Variants in MCU observed in about 807,000 individuals in gnomAD.
MCU encodes the protein mitochondrial calcium uniporter, also known as calcium uniporter protein, mitochondrial.
In MCU, 12 loss-of-function variants were observed where a neutral mutation model predicts 45.2. The observed-to-expected ratio is 0.27, with a 90% CI of 0.17 to 0.43. MCU has a LOEUF of 0.43. MCU is among the 20% of genes least tolerant of loss of function. The probability of loss-of-function intolerance (pLI) is 1.00; values close to 1 mark genes in which losing one functional copy is unlikely to be tolerated. For missense variants in MCU, 324 were observed against 436.7 expected (o/e 0.74, Z 2.30); for synonymous variants, 160 against 165.1 (o/e 0.97, Z 0.24).
chr10:72,719,440 G>A (rs1470818536), intron 1 of MCU, among the ~76,000 whole-genome samples: 5 of 152,162 alleles, frequency 3.3e-5, no homozygotes, highest in South Asian at 2.1e-4. Context: ...AAGTCAAAAC[G>A]TTCAGGTATT....
chr10:72,751,281 G>A (rs1843490885), intron 1 of MCU, among the ~76,000 whole-genome samples: 1 of 143,654 alleles, frequency 7.0e-6, no homozygotes, highest in Non-Finnish European at 1.5e-5. Context: ...GGGATTATAG[G>A]TATGAGCCAC....
chr10:72,853,143 G>A (rs897394197), intron 2 of MCU, among the ~76,000 whole-genome samples: 1 of 152,008 alleles, frequency 6.6e-6, no homozygotes, highest in South Asian at 2.1e-4. Flanking sequence ...GGCATATGAA[G>A]AAGCAAAAAA....
intron 1 of MCU, among the ~76,000 whole-genome samples, chr10:72,804,146 G>A (rs1347220316): frequency 1.4e-5 from 2 of 143,958 alleles, no homozygotes; most frequent in Non-Finnish European, 3.0e-5. Flanking sequence ...GAGTGCAATG[G>A]CACAGTCTTG....
intron 1 of MCU, among the ~76,000 whole-genome samples, chr10:72,699,866 A>C (rs1842735685): frequency 6.6e-6 from 1 of 152,040 alleles, no homozygotes; most frequent in Non-Finnish European, 1.5e-5. Context: ...TACTGGGGTT[A>C]CAGGTGTGAG....
intron 1 of MCU, chr10:72,730,866 C>T (rs150321293): frequency 3.9e-5 from 6 of 152,358 alleles, no homozygotes; most frequent in African/African-American, 1.2e-4. Context: ...TGCTTTTTCC[C>T]TATTGTGCAG....
At chr10:72,798,789 A>G (rs1170887923) in intron 1 of MCU, among the ~76,000 whole-genome samples, 1 of 152,120 alleles carries the variant, frequency 6.6e-6, no homozygotes, top group Non-Finnish European at 1.5e-5. Context: ...TGCATATACA[A>G]TGTGTGGATA....
chr10:72,761,818 A>G (rs1843660412), intron 1 of MCU, among the ~76,000 whole-genome samples: 3 of 152,062 alleles, frequency 2.0e-5, no homozygotes, highest in Admixed American at 2.0e-4. Flanking sequence ...CATTGTACCC[A>G]ATATGTAGTT....
intron 2 of MCU, among the ~76,000 whole-genome samples, chr10:72,844,891 T>C (rs775072500): frequency 6.6e-6 from 1 of 152,020 alleles, no homozygotes; most frequent in Non-Finnish European, 1.5e-5. Context: ...TTAATAGATA[T>C]GAAGAATGAA....
chr10:72,829,111 A>G (rs1246506166), intron 1 of MCU, among the ~76,000 whole-genome samples: 1 of 152,174 alleles, frequency 6.6e-6, no homozygotes. Context: ...ACTTGAGTTC[A>G]GGAGTTCGAG....
At chr10:72,775,837 C>T (rs1285983160) in intron 1 of MCU, among the ~76,000 whole-genome samples, 2 of 152,086 alleles carry the variant, frequency 1.3e-5, no homozygotes, top group East Asian at 3.9e-4. Context: ...TGTAAAACCT[C>T]AGCAAACCGA....
At chr10:72,814,858 A>C (rs1844601383) in intron 1 of MCU, among the ~76,000 whole-genome samples, 1 of 152,258 alleles carries the variant, frequency 6.6e-6, no homozygotes, top group Non-Finnish European at 1.5e-5. Context: ...AATCTGTCCA[A>C]CACAAGTGTT....
chr10:72,808,634 G>A (rs764137893), intron 1 of MCU, among the ~76,000 whole-genome samples: 6 of 152,142 alleles, frequency 3.9e-5, no homozygotes, highest in Non-Finnish European at 8.8e-5. Flanking sequence ...AGAACTACTC[G>A]AGACTGGGTA....
rs1491354646 is a variant in MCU, at chr10:72,805,214, CCT to C, written c.151-29144_151-29143del. ...CCTTCCTTCCTTCCTTTCTTCCTTTCCTTTCCTTTCCTTTTTCCTTTCCTTTT... is the reference window on the plus strand; with the variant it reads ...CCTTCCTTCCTTCCTTTCTTCCTTTCTTCCTTTCCTTTTTCCTTTCCTTTT... On this transcript the variant is annotated intron_variant, in intron 1 of 7. Transcript: ENST00000373053. 9.1e-3 allele frequency among the ~76,000 whole-genome samples: 1,267 copies of C among 138,914 alleles called. 38 individuals are homozygous for C. The highest frequency in any genetic ancestry group is 0.036 in the African/African-American group (1,195 of 33,458). 91.1% of individuals were successfully genotyped at this position (138,914 alleles called of 152,430 possible). A position where few individuals can be genotyped will look rare whatever the true frequency, so the allele number is the denominator to read the frequency against.
rs1842772168 is a variant in MCU, at chr10:72,702,626, A to G, written c.150+10325A>G. On this transcript the variant is annotated intron_variant, in intron 1 of 7. Coordinates refer to ENST00000373053, the MANE Select transcript of MCU (RefSeq NM_138357.3). ...TTTCTAAAGAATGTTCAGCGGGAGC[A>G]CTTGGGACCTACCTGTGAGAGCTGA... is the stretch of plus-strand genomic sequence containing the variant. Among the ~76,000 whole-genome samples the G allele has an allele frequency of 2.0e-5, 3 of 152,220 alleles. No homozygotes were observed. In the South Asian group the frequency reaches 6.2e-4, roughly 32 times the overall value.
intron 1 of MCU, among the ~76,000 whole-genome samples, chr10:72,806,921 T>G (rs1844462070): frequency 1.3e-5 from 2 of 152,166 alleles, no homozygotes; most frequent in South Asian, 4.1e-4. Flanking sequence ...CAAGAAGACA[T>G]TGGCCTGGGA....
chr10:72,820,573 C>T (rs1389113322), intron 1 of MCU, among the ~76,000 whole-genome samples: 3 of 150,780 alleles, frequency 2.0e-5, no homozygotes, highest in Admixed American at 6.6e-5. Flanking sequence ...TGCAATGGTG[C>T]GATCTTGGCT....
chr10:72,735,116 A>AC (rs1554821118), intron 1 of MCU, among the ~76,000 whole-genome samples: 12 of 146,590 alleles, frequency 8.2e-5, no homozygotes, highest in Non-Finnish European at 1.8e-4. Flanking sequence ...ATGTATCAGA[A>AC]TTTTTTTTTT....
intron 1 of MCU, among the ~76,000 whole-genome samples, chr10:72,784,102 C>T (rs1353468319): frequency 6.6e-6 from 1 of 152,122 alleles, no homozygotes; most frequent in Non-Finnish European, 1.5e-5. Flanking sequence ...CTTGCTTAAC[C>T]CCTCATGTTG....
At chr10:72,775,235 A>G (rs1213296124) in intron 1 of MCU, among the ~76,000 whole-genome samples, 1 of 152,176 alleles carries the variant, frequency 6.6e-6, no homozygotes, top group Non-Finnish European at 1.5e-5. Flanking sequence ...AATCAATAAC[A>G]GAAGGACCCT....
Sources: gnomAD v4.1 joint callset for allele counts (sites outside exome capture counted in the v4.1 genomes callset) on GRCh38, gnomAD v4.1.1 for gene constraint, MANE v1.5 for transcripts, NCBI Gene and HGNC (gene_info 2026-07-23, HGNC 2026-07-21) for gene names.